FAM135A: variants seen among roughly 807,000 people sequenced by gnomAD.
FAM135A encodes the protein protein FAM135A.
A neutral mutation model predicts 146.8 loss-of-function variants in FAM135A; 79 were observed. That is an observed-to-expected ratio of 0.54 (90% CI 0.45 to 0.65). The LOEUF (loss-of-function observed/expected upper bound fraction) is 0.65, where lower values mean the gene tolerates loss of function less well. Among genes scored for constraint, FAM135A ranks in the 30% least tolerant of loss-of-function variants. The probability of loss-of-function intolerance (pLI) is 0.00; values close to 1 mark genes in which losing one functional copy is unlikely to be tolerated. For synonymous variants in FAM135A, 562 were observed against 603.6 expected, an observed-to-expected ratio of 0.93 and a Z score of 1.01; for missense variants, 1,623 against 1,758.2, an observed-to-expected ratio of 0.92 and a Z score of 1.38.
chr6:70,536,256 A>G lies in FAM135A; in HGVS notation c.3966-4A>G. ...AGAAAATTAATTTTTTTTTCCTCTT[A>G]AAGCTTTATTGGACATTCGTTGGGC... On this transcript the variant is annotated splice_polypyrimidine_tract_variant and splice_region_variant and intron_variant, in intron 18 of 21. Coordinates refer to ENST00000418814, the MANE Select transcript of FAM135A (RefSeq NM_001162529.3). The G allele has an allele frequency of 6.3e-7, 1 of 1,597,614 alleles. No individual in the cohort carries two copies. The highest frequency in any genetic ancestry group is 8.5e-7 in the Non-Finnish European group (1 of 1,175,066).
intron 11 of FAM135A, among the ~76,000 whole-genome samples, chr6:70,496,937 C>T (rs892093857): frequency 2.0e-5 from 3 of 151,998 alleles, no homozygotes; most frequent in Non-Finnish European, 2.9e-5. Context: ...AGTCTGGTAG[C>T]GTTATGCCTC....
At chr6:70,461,649 G>A (rs538168891) in intron 5 of FAM135A, among the ~76,000 whole-genome samples, 44 of 152,210 alleles carry the variant, frequency 2.9e-4, no homozygotes, top group African/African-American at 9.1e-4. Flanking sequence ...CAAGAAGGAA[G>A]AACTGAAGAG....
intron 5 of FAM135A, among the ~76,000 whole-genome samples, chr6:70,473,120 G>A (rs554128575): frequency 1.3e-5 from 2 of 151,944 alleles, no homozygotes; most frequent in South Asian, 2.1e-4. Context: ...AATTTATTTT[G>A]ATGTTCACTT....
intron 5 of FAM135A, among the ~76,000 whole-genome samples, chr6:70,463,805 A>G (rs1403076241): frequency 6.6e-6 from 1 of 152,224 alleles, no homozygotes; most frequent in Non-Finnish European, 1.5e-5. Flanking sequence ...CTTGAATTAA[A>G]CTGCATAGAT....
At chr6:70,559,451 A>T (rs1801547367) in intron 21 of FAM135A, among the ~76,000 whole-genome samples, 1 of 152,172 alleles carries the variant, frequency 6.6e-6, no homozygotes, top group African/African-American at 2.4e-5. Context: ...CAAAAATAAA[A>T]AAAAAAAAAA....
intron 5 of FAM135A, among the ~76,000 whole-genome samples, chr6:70,474,236 TC>T (rs1782170871): frequency 6.6e-6 from 1 of 152,196 alleles, no homozygotes; most frequent in African/African-American, 2.4e-5. Context: ...CATTTTGAGC[TC>T]CAAACCCACC....
rs79047246 is a variant in FAM135A, at chr6:70,506,144, A to G, written c.1029+3353A>G. The stretch of plus-strand genomic sequence containing the variant: ...TGGTAATAGTATCAGAAAGGTAGCC[A>G]GTTTTCAGGGTAAATTAAAGTGATG... On this transcript the variant is annotated intron_variant, in intron 12 of 21. Coordinates refer to ENST00000418814, the MANE Select transcript of FAM135A (RefSeq NM_001162529.3). Among the ~76,000 whole-genome samples the G allele has an allele frequency of 3.0e-4, 45 of 152,302 alleles. 1 individual carries two copies. In the East Asian group the frequency reaches 7.7e-3, roughly 26 times the overall value.
chr6:70,551,165 C>A (rs1325286434), intron 20 of FAM135A, among the ~76,000 whole-genome samples: 1 of 152,258 alleles, frequency 6.6e-6, no homozygotes, highest in Non-Finnish European at 1.5e-5. Flanking sequence ...TGTGTTTTCA[C>A]TAGAGTAGCC....
intron 10 of FAM135A, chr6:70,486,020 T>G (rs1784555857): frequency 1.8e-6 from 1 of 542,078 alleles, no homozygotes; most frequent in African/African-American, 1.9e-5. Flanking sequence ...TACTTGAATG[T>G]ACATCATTTG....
chr6:70,487,756 T>C (rs911769133), intron 10 of FAM135A, among the ~76,000 whole-genome samples: 7 of 152,190 alleles, frequency 4.6e-5, no homozygotes, highest in Non-Finnish European at 1.0e-4. Flanking sequence ...AATTAAAATA[T>C]ACTTCTAATT....
chr6:70,558,450 G>A (rs547011697), intron 21 of FAM135A, among the ~76,000 whole-genome samples: 26 of 152,316 alleles, frequency 1.7e-4, no homozygotes, highest in African/African-American at 6.3e-4. Context: ...ATACATTTAT[G>A]TGGATGTATT....
chr6:70,522,089 G>T (rs1793724455), intron 12 of FAM135A, among the ~76,000 whole-genome samples: 1 of 152,010 alleles, frequency 6.6e-6, no homozygotes, highest in African/African-American at 2.4e-5. Flanking sequence ...ACTAATTTTT[G>T]TGTTTTTAGT....
intron 20 of FAM135A, among the ~76,000 whole-genome samples, chr6:70,546,863 A>G (rs2128469366): frequency 6.6e-6 from 1 of 152,324 alleles, no homozygotes; most frequent in East Asian, 1.9e-4. Flanking sequence ...AGCATTGGAT[A>G]GCAGGGAAAA....
intron 20 of FAM135A, among the ~76,000 whole-genome samples, chr6:70,549,403 C>A (rs1048490937): frequency 6.6e-6 from 1 of 151,890 alleles, no homozygotes; most frequent in Non-Finnish European, 1.5e-5. Context: ...ACTATAATCT[C>A]AGTTATATTT....
rs966078155 is a variant in FAM135A, at chr6:70,513,999, T to G, written c.1030-8514T>G. 6.6e-5 allele frequency among the ~76,000 whole-genome samples: 10 copies of G among 151,464 alleles called. No homozygotes were observed. In the South Asian group the frequency reaches 2.1e-3, roughly 32 times the overall value. On this transcript the variant is annotated intron_variant, in intron 12 of 21. Transcript: ENST00000418814. ...GTTTTTGTTGTTGTTTGTTTTTTTT[T>G]GTCTTTATCTTGCTTAGGATTTGCT...
intron 20 of FAM135A, among the ~76,000 whole-genome samples, chr6:70,555,168 G>A (rs1045059994): frequency 6.6e-6 from 1 of 152,142 alleles, no homozygotes; most frequent in Non-Finnish European, 1.5e-5. Context: ...AAGTAGATTG[G>A]AGAGATAATA....
chr6:70,500,103 T>C (rs1026297967), intron 11 of FAM135A, among the ~76,000 whole-genome samples: 1 of 152,246 alleles, frequency 6.6e-6, no homozygotes, highest in Non-Finnish European at 1.5e-5. Flanking sequence ...TCCCTGTCAC[T>C]TTTGGGTACA....
intron 21 of FAM135A, 106 bp from the exon 22 acceptor site, chr6:70,559,610 G>T: frequency 1.1e-6 from 1 of 896,232 alleles, no homozygotes; most frequent in Non-Finnish European, 1.6e-6. Context: ...TGCTTTATAT[G>T]GAAATAATGT....
At chr6:70,521,088 G>GT (rs946881931) in intron 12 of FAM135A, among the ~76,000 whole-genome samples, 39 of 151,438 alleles carry the variant, frequency 2.6e-4, no homozygotes, top group East Asian at 2.3e-3. Context: ...CATCCTAGAG[G>GT]TTTTTTTTTG....
Sources: gnomAD v4.1 joint callset for allele counts (sites outside exome capture counted in the v4.1 genomes callset) on GRCh38, gnomAD v4.1.1 for gene constraint, MANE v1.5 for transcripts, NCBI Gene and HGNC (gene_info 2026-07-23, HGNC 2026-07-21) for gene names.